Variants in ARRB1 observed in about 807,000 individuals in gnomAD.
ARRB1 encodes beta-arrestin-1.
ARRB1 carries 21 observed loss-of-function variants against 56.8 expected under a neutral mutation model. That is an observed-to-expected ratio of 0.37 (90% CI 0.26 to 0.53). ARRB1 has a LOEUF of 0.53. Among genes scored for constraint, ARRB1 ranks in the 20% least tolerant of loss-of-function variants. The probability of loss-of-function intolerance (pLI) is 0.88; values close to 1 mark genes in which losing one functional copy is unlikely to be tolerated. For missense variants in ARRB1, 424 were observed against 553.7 expected (o/e 0.77, Z 2.35); for synonymous variants, 210 against 218.6 (o/e 0.96, Z 0.35).
intron 1 of ARRB1, among the ~76,000 whole-genome samples, chr11:75,330,934 C>G (rs761793226): frequency 1.3e-5 from 2 of 152,242 alleles, no homozygotes; most frequent in African/African-American, 4.8e-5. Flanking sequence ...TCCCGTGTCC[C>G]CCGTGCCAGA....
At chr11:75,320,672 C>T (rs1394825462) in intron 1 of ARRB1, among the ~76,000 whole-genome samples, 3 of 152,210 alleles carry the variant, frequency 2.0e-5, no homozygotes, top group African/African-American at 7.2e-5. Context: ...CCAACTCTTC[C>T]CAAAGCCCTC....
intron 7 of ARRB1, among the ~76,000 whole-genome samples, chr11:75,278,950 G>A (rs549395394): frequency 1.3e-5 from 2 of 152,334 alleles, no homozygotes; most frequent in African/African-American, 4.8e-5. Flanking sequence ...GAAGTGCCCT[G>A]TGGCTGCACT....
At chr11:75,321,114 C>T (rs1947343438) in intron 1 of ARRB1, among the ~76,000 whole-genome samples, 1 of 152,186 alleles carries the variant, frequency 6.6e-6, no homozygotes, top group South Asian at 2.1e-4. Flanking sequence ...CTCACCTGCA[C>T]ACCTGCTTTC....
chr11:75,314,349 C>T (rs1947224638), intron 1 of ARRB1, among the ~76,000 whole-genome samples: 1 of 152,138 alleles, frequency 6.6e-6, no homozygotes. Context: ...TGCCGCAGGG[C>T]ATGGTGGCAC....
intron 14 of ARRB1, 26 bp from the exon 15 acceptor site, chr11:75,267,729 T>C: frequency 5.1e-6 from 5 of 976,218 alleles, no homozygotes; most frequent in Non-Finnish European, 8.2e-6. Flanking sequence ...GTGGGCAGGG[T>C]GTCCAGGGAT....
chr11:75,326,440 A>C (rs1429817257), intron 1 of ARRB1, among the ~76,000 whole-genome samples: 1 of 152,276 alleles, frequency 6.6e-6, no homozygotes, highest in Non-Finnish European at 1.5e-5. Context: ...GATTCCCATA[A>C]CAAAAGATGA....
chr11:75,329,966 C>T (rs888056192), intron 1 of ARRB1, among the ~76,000 whole-genome samples: 1 of 151,910 alleles, frequency 6.6e-6, no homozygotes, highest in Non-Finnish European at 1.5e-5. Flanking sequence ...CACCACTGCA[C>T]TCTAGCCTGA....
intron 1 of ARRB1, among the ~76,000 whole-genome samples, chr11:75,296,309 G>C (rs1040211889): frequency 6.6e-6 from 1 of 151,616 alleles, no homozygotes; most frequent in Non-Finnish European, 1.5e-5. Flanking sequence ...TTTCAGATCC[G>C]CTGTTCTAGA....
At chr11:75,328,929 G>A (rs554327815) in intron 1 of ARRB1, among the ~76,000 whole-genome samples, 4 of 152,320 alleles carry the variant, frequency 2.6e-5, no homozygotes, top group East Asian at 3.9e-4. Flanking sequence ...GAACGGGAAC[G>A]GCTGGGCTGA....
chr11:75,350,232 G>A (rs1010090431), intron 1 of ARRB1, among the ~76,000 whole-genome samples: 3 of 152,198 alleles, frequency 2.0e-5, no homozygotes, highest in African/African-American at 7.2e-5. Context: ...CTGAAAGGTG[G>A]TGCCCACCGG....
rs1426463106 is a variant in ARRB1 at position 75,261,594 on chromosome 11, C to G, written c.*4569G>C. 1 of 152,202 alleles carries G rather than the reference C, an allele frequency of 6.6e-6. No individual in the cohort carries two copies. The highest frequency in any genetic ancestry group is 2.4e-5 in the African/African-American group (1 of 41,444). 9.4% of individuals were successfully genotyped at this position (152,202 alleles called of 1,614,324 possible). ...CAGTGTCTACAAACCATAGGCCCCACGGACCTGTGCTTTGACTTCCCTTTT... is the reference window on the plus strand; with the variant it reads ...CAGTGTCTACAAACCATAGGCCCCAGGGACCTGTGCTTTGACTTCCCTTTT... On this transcript the variant is annotated 3_prime_UTR_variant, in exon 16 of 16. Transcript: ENST00000420843.
At chr11:75,308,587 T>C (rs1947084042) in intron 1 of ARRB1, among the ~76,000 whole-genome samples, 1 of 151,728 alleles carries the variant, frequency 6.6e-6, no homozygotes, top group Non-Finnish European at 1.5e-5. Context: ...CTACTAAAAA[T>C]AAAAAAAATT....
rs577374300 is a variant in ARRB1 at position 75,280,885 on chromosome 11, A to G, written c.482+190T>C. 7.9e-6 allele frequency: 5 copies of G among 630,608 alleles called. No homozygotes were observed. The East Asian group carries it at 1.1e-4, about 14-fold the overall frequency. 39.1% of individuals were successfully genotyped at this position (630,608 alleles called of 1,614,324 possible). ...GGAGAAGATGCTGCAGCCTGAACCC[A>G]GGCAGTCGAAGCCACCTCCCCAAGG... On this transcript the variant is annotated intron_variant, in intron 7 of 15. Transcript: ENST00000420843.
At chr11:75,279,376 A>G (rs979712206) in intron 7 of ARRB1, among the ~76,000 whole-genome samples, 1 of 152,188 alleles carries the variant, frequency 6.6e-6, no homozygotes, top group Non-Finnish European at 1.5e-5. Flanking sequence ...GAGAAGGCCC[A>G]TGGATGAGAC....
intron 1 of ARRB1, among the ~76,000 whole-genome samples, chr11:75,309,792 C>A (rs1029662743): frequency 6.6e-6 from 1 of 152,116 alleles, no homozygotes; most frequent in African/African-American, 2.4e-5. Flanking sequence ...AATACACAGG[C>A]CTTGCAGATA....
intron 13 of ARRB1, among the ~76,000 whole-genome samples, chr11:75,270,443 G>A (rs1191133732): frequency 1.3e-5 from 2 of 152,136 alleles, no homozygotes; most frequent in Non-Finnish European, 2.9e-5. Context: ...GCCTGGCCAA[G>A]ATAGTGAAAT....
intron 1 of ARRB1, among the ~76,000 whole-genome samples, chr11:75,294,177 G>T (rs4945003): frequency 0.23 from 34,619 of 151,972 alleles, 4,379 homozygotes; most frequent in African/African-American, 0.33. Flanking sequence ...AGTCAAGGAG[G>T]CCCGGGCAGA....
intron 7 of ARRB1, 79 bp downstream of exon 7, chr11:75,280,996 C>T: frequency 4.1e-6 from 6 of 1,479,714 alleles, no homozygotes; most frequent in Non-Finnish European, 5.5e-6. Flanking sequence ...GGTATTGTTA[C>T]TTATCTCCTC....
At chr11:75,277,051 C>T in intron 9 of ARRB1, 140 bp from the exon 10 acceptor site, 1 of 775,646 alleles carries the variant, frequency 1.3e-6, no homozygotes, top group South Asian at 1.6e-5. Flanking sequence ...TAAGACCACC[C>T]CTGTCTTACA....
Sources: gnomAD v4.1 joint callset for allele counts (sites outside exome capture counted in the v4.1 genomes callset) on GRCh38, gnomAD v4.1.1 for gene constraint, MANE v1.5 for transcripts, NCBI Gene and HGNC (gene_info 2026-07-23, HGNC 2026-07-21) for gene names.